Variants in ADAM32 observed in about 807,000 individuals in gnomAD.
ADAM32 encodes the protein disintegrin and metalloproteinase domain-containing protein 32.
A neutral mutation model predicts 114.9 loss-of-function variants in ADAM32; 89 were observed. That is an observed-to-expected ratio of 0.77 (90% CI 0.65 to 0.92). ADAM32 has a LOEUF of 0.92. Ranked by LOEUF, ADAM32 falls within the 40% of genes least tolerant of loss-of-function variation. The probability of loss-of-function intolerance (pLI) is 0.00; values close to 1 mark genes in which losing one functional copy is unlikely to be tolerated. For synonymous variants in ADAM32, 285 were observed against 307.5 expected (o/e 0.93, Z 0.77); for missense variants, 870 against 932.8 (o/e 0.93, Z 0.88).
chr8:39,281,282 C>A (rs908649804), intron 23 of ADAM32, 108 bp downstream of exon 23: 2 of 472,070 alleles, frequency 4.2e-6, no homozygotes, highest in Non-Finnish European at 6.8e-6. Flanking sequence ...CAGCCACAAT[C>A]GATAAAGTCT....
intron 6 of ADAM32, among the ~76,000 whole-genome samples, chr8:39,153,421 GT>G (rs1803964698): frequency 6.6e-6 from 1 of 152,154 alleles, no homozygotes; most frequent in African/African-American, 2.4e-5. Context: ...CCATGTCTTT[GT>G]TTATGCCTTT....
intron 19 of ADAM32, among the ~76,000 whole-genome samples, chr8:39,263,433 AACTTCCTGT>A (rs1231954592): frequency 1.3e-5 from 2 of 151,956 alleles, no homozygotes; most frequent in African/African-American, 4.8e-5. Context: ...TCTCCTTCTG[AACTTCCTGT>A]ACTTTAGTGT....
At chr8:39,156,149 CT>C (rs943872518) in intron 6 of ADAM32, among the ~76,000 whole-genome samples, 9 of 151,216 alleles carry the variant, frequency 6.0e-5, no homozygotes, top group Non-Finnish European at 7.4e-5. Flanking sequence ...ATAATAGTAT[CT>C]TTTTTTTTGG....
At chr8:39,149,916 T>C (rs1212227152) in intron 5 of ADAM32, 49 bp downstream of exon 5, 1 of 1,480,160 alleles carries the variant, frequency 6.8e-7, no homozygotes, top group African/African-American at 1.4e-5. Flanking sequence ...GATATTTGGC[T>C]GCAGTGAATT....
intron 22 of ADAM32, among the ~76,000 whole-genome samples, chr8:39,280,230 T>C (rs1813340791): frequency 6.6e-6 from 1 of 152,160 alleles, no homozygotes; most frequent in African/African-American, 2.4e-5. Flanking sequence ...TCTTTTAGGG[T>C]ATAAGTAATT....
intron 14 of ADAM32, among the ~76,000 whole-genome samples, chr8:39,229,067 G>GTATCCAGTGAAACTAAGCATCA (rs1395837643): frequency 6.6e-6 from 1 of 152,162 alleles, no homozygotes; most frequent in Non-Finnish European, 1.5e-5. Flanking sequence ...CAAGAATTTT[G>GTATCCAGTGAAACTAAGCATCA]TATCCAGTGA....
chr8:39,113,499 C>T (rs572077469), intron 1 of ADAM32, among the ~76,000 whole-genome samples: 34 of 152,274 alleles, frequency 2.2e-4, no homozygotes, highest in African/African-American at 4.1e-4. Context: ...AAACTCAAAA[C>T]GGCCTGCCAC....
At chr8:39,177,062 T>C (rs1489642635) in intron 10 of ADAM32, among the ~76,000 whole-genome samples, 1 of 82,670 alleles carries the variant, frequency 1.2e-5, no homozygotes, top group African/African-American at 3.6e-5. Context: ...CATCTCCTCC[T>C]TTTTTTTTTT....
At chr8:39,132,032 TAC>T in intron 2 of ADAM32, 1 of 282,300 alleles carries the variant, frequency 3.5e-6, no homozygotes, top group South Asian at 2.7e-5. Context: ...TAGTTGGGAT[TAC>T]AGGCATGCAC....
At chr8:39,142,752 C>G (rs916273123) in intron 3 of ADAM32, among the ~76,000 whole-genome samples, 4 of 152,158 alleles carry the variant, frequency 2.6e-5, no homozygotes, top group Admixed American at 6.5e-5. Flanking sequence ...GTTGGCCTGC[C>G]TTGCTAGGTT....
chr8:39,216,593 T>C (rs1331550362), intron 12 of ADAM32, among the ~76,000 whole-genome samples: 1 of 152,018 alleles, frequency 6.6e-6, no homozygotes, highest in Non-Finnish European at 1.5e-5. Context: ...TCTTGCTTTT[T>C]ATTTTCTGTG....
At chr8:39,131,178 G>A (rs999071452) in intron 2 of ADAM32, among the ~76,000 whole-genome samples, 1 of 151,980 alleles carries the variant, frequency 6.6e-6, no homozygotes, top group Admixed American at 6.6e-5. Context: ...GGATGGTCTC[G>A]ATCTCCTGAC....
intron 19 of ADAM32, among the ~76,000 whole-genome samples, chr8:39,257,566 A>C (rs943849503): frequency 8.0e-5 from 12 of 149,428 alleles, no homozygotes; most frequent in Middle Eastern, 3.4e-3. Context: ...TTGAACTGCT[A>C]GTTGAGAGAG....
intron 21 of ADAM32, among the ~76,000 whole-genome samples, chr8:39,274,563 C>G (rs1274507832): frequency 6.6e-6 from 1 of 152,012 alleles, no homozygotes; most frequent in Non-Finnish European, 1.5e-5. Context: ...TTTGAGGAAA[C>G]AAGGAATAAA....
intron 11 of ADAM32, among the ~76,000 whole-genome samples, chr8:39,205,761 A>G (rs1042690545): frequency 1.3e-5 from 2 of 152,276 alleles, no homozygotes; most frequent in East Asian, 1.9e-4. Flanking sequence ...GCCATCTTGG[A>G]ACCTCCTTAA....
At chr8:39,118,214 T>G (rs993108045) in intron 2 of ADAM32, 49 bp downstream of exon 2, 1 of 1,106,902 alleles carries the variant, frequency 9.0e-7, no homozygotes, top group Non-Finnish European at 1.2e-6. Context: ...AATTTCATAT[T>G]TTTATTATAT....
intron 19 of ADAM32, among the ~76,000 whole-genome samples, chr8:39,257,566 A>G (rs943849503): frequency 6.7e-6 from 1 of 149,320 alleles, no homozygotes; most frequent in Admixed American, 6.7e-5. Context: ...TTGAACTGCT[A>G]GTTGAGAGAG....
intron 12 of ADAM32, among the ~76,000 whole-genome samples, chr8:39,219,157 C>G (rs1808781179): frequency 6.6e-6 from 1 of 152,050 alleles, no homozygotes; most frequent in Non-Finnish European, 1.5e-5. Flanking sequence ...CTTCTTTACT[C>G]TTCCCTTTTC....
chr8:39,226,424 A>G (rs73606793), intron 14 of ADAM32, among the ~76,000 whole-genome samples: 35,629 of 152,040 alleles, frequency 0.23, 4,498 homozygotes, highest in Non-Finnish European at 0.27. Flanking sequence ...TCCAAAGAAG[A>G]TTATACCAAG....
Sources: allele counts gnomAD v4.1 joint callset (sites outside exome capture counted in the v4.1 genomes callset), GRCh38; gene constraint gnomAD v4.1.1; transcripts MANE v1.5; gene names NCBI Gene and HGNC (gene_info 2026-07-23, HGNC 2026-07-21).